Variants in MINAR1 observed in about 807,000 individuals in gnomAD.
MINAR1 encodes membrane integral NOTCH2 associated receptor 1, also known as major intrinsically disordered Notch2-binding receptor 1.
A neutral mutation model predicts 65.1 loss-of-function variants in MINAR1; 40 were observed. The ratio of observed to expected loss-of-function variants is 0.61; its 90% confidence interval spans 0.48 to 0.80. MINAR1 has a LOEUF of 0.80. Ranked by LOEUF, MINAR1 falls within the 30% of genes least tolerant of loss-of-function variation. The pLI is 0.00. For missense variants in MINAR1, 1,128 were observed against 1,148.0 expected, an observed-to-expected ratio of 0.98 and a Z score of 0.25; for synonymous variants, 482 against 449.1, an observed-to-expected ratio of 1.07 and a Z score of -0.93.
In MINAR1 at chr15:79,458,181, C is replaced by A. The variant is rs750458330; in HGVS notation, c.2034C>A (p.Asn678Lys). ...SGSHGPKLENNPDWCCSDASG... is the reference protein window; with the variant it reads ...SGSHGPKLENKPDWCCSDASG... ...CCCACGGACCCAAACTAGAGAACAACCCTGACTGGTGCTGCTCTGATGCTA... is the reference window on the plus strand; with the variant it reads ...CCCACGGACCCAAACTAGAGAACAAACCTGACTGGTGCTGCTCTGATGCTA... The change falls in exon 2 of 4, where the codon AAC becomes AAA. Residue 678 changes from asparagine to lysine, a missense_variant. Physicochemically the swap from Asn to Lys is moderately conservative, Grantham distance 94. Coordinates refer to ENST00000305428, the MANE Select transcript of MINAR1 (RefSeq NM_015206.3). The A allele has an allele frequency of 1.9e-6, 3 of 1,614,058 alleles. No individual in the cohort carries two copies. The highest frequency in any genetic ancestry group is 2.2e-5 in the South Asian group (2 of 91,070).
chr15:79,458,376 C>T lies in MINAR1; in HGVS notation c.2229C>T (p.Gly743=), dbSNP rs779616062. ...WRTITYTNRV[G]LNEEEIKDTG... ...CCATCACTTATACCAACCGTGTGGG[C>T]CTCAATGAGGAGGAGATAAAAGACA... Residue 743 remains glycine (G), a synonymous_variant, in exon 2 of 4, where the codon GGC becomes GGT. Transcript: ENST00000305428. The T allele has an allele frequency of 5.0e-6, 8 of 1,614,022 alleles. No homozygotes were observed. In the Admixed American group the frequency reaches 1.2e-4, roughly 24 times the overall value.
rs901598201 is a variant in MINAR1 at position 79,444,578 on chromosome 15, C to T, written c.-50-11520C>T. ...TTTGTATTTATTACTATAAACTTTC[C>T]TCTAATGATAGCTTTAACTATAGTT... On this transcript the variant is annotated intron_variant, in intron 1 of 3. Coordinates refer to ENST00000305428, the MANE Select transcript of MINAR1 (RefSeq NM_015206.3). 3.3e-5 allele frequency among the ~76,000 whole-genome samples: 5 copies of T among 151,882 alleles called. No homozygotes were observed. The South Asian group carries it at 8.3e-4, about 25-fold the overall frequency.
Position 79,456,852 on chromosome 15 carries a change from G to A in MINAR1, c.705G>A (p.Gln235=). The change falls in exon 2 of 4, where the codon CAG becomes CAA. Residue 235 remains glutamine, a synonymous_variant. Transcript: ENST00000305428. ...ACCAGGACTCCCTGCCCATCAATCA[G>A]AGCATCAAGGAGACCTTCATTTCCA... ...ISDQDSLPIN[Q]SIKETFISNE... is the part of the protein sequence containing the mutation. 1 of 1,614,164 alleles carries A rather than the reference G, an allele frequency of 6.2e-7. No homozygotes were observed. Among genetic ancestry groups the A allele is most frequent in the Non-Finnish European group, 8.5e-7 (1 of 1,180,040 alleles).
In MINAR1 at chr15:79,472,132, C is replaced by G. The variant is rs1185677335; in HGVS notation, c.*3748C>G. 6.6e-6 allele frequency: 1 copy of G among 152,364 alleles called. No homozygotes were observed. Among genetic ancestry groups the G allele is most frequent in the East Asian group, 1.9e-4 (1 of 5,188 alleles). The allele number at this position is 152,364 out of a possible 1,614,324, so 9.4% of individuals were successfully genotyped here. A position where few individuals can be genotyped will look rare whatever the true frequency, so the allele number is the denominator to read the frequency against. On this transcript the variant is annotated 3_prime_UTR_variant, in exon 4 of 4. Coordinates refer to ENST00000305428, the MANE Select transcript of MINAR1 (RefSeq NM_015206.3). ...TGTTCTGTACAGCTCTCAGCACACT[C>G]TTGGTGCTTGATAAATGTTATGTTA...
chr15:79,454,010 A>G (rs7166224), intron 1 of MINAR1, among the ~76,000 whole-genome samples: 40,572 of 152,068 alleles, frequency 0.27, 6,335 homozygotes, highest in East Asian at 0.55. Context: ...TGTTCCCAAA[A>G]TTACATTCAC....
chr15:79,471,488 A>C lies in MINAR1; in HGVS notation c.*3104A>C, dbSNP rs1347659167. On this transcript the variant is annotated 3_prime_UTR_variant, in exon 4 of 4. Transcript: ENST00000305428. The stretch of plus-strand genomic sequence containing the variant: ...AGTATCCCCTTCATTACAGTAAACT[A>C]AATCATAACTTACATCATCCATTAC... 2.0e-5 allele frequency: 3 copies of C among 152,636 alleles called. No individual in the cohort carries two copies. The highest frequency in any genetic ancestry group is 7.2e-5 in the African/African-American group (3 of 41,446). The allele number at this position is 152,636 out of a possible 1,614,324, so 9.5% of individuals were successfully genotyped here. A position where few individuals can be genotyped will look rare whatever the true frequency, so the allele number is the denominator to read the frequency against.
intron 3 of MINAR1, among the ~76,000 whole-genome samples, chr15:79,464,795 C>T (rs981684022): frequency 6.6e-6 from 1 of 152,204 alleles, no homozygotes; most frequent in Non-Finnish European, 1.5e-5. Context: ...ACTTGGACTG[C>T]ATACCCCTTG....
chr15:79,429,095 TAGAG>T (rs545097876), upstream of MINAR1, among the ~76,000 whole-genome samples: 476 of 152,254 alleles, frequency 3.1e-3, 2 homozygotes, highest in African/African-American at 0.011. Context: ...AAGAAGGGCT[TAGAG>T]AGAGAGGAGG....
the MINAR1 span, chr15:79,411,795 A>G: frequency 2.9e-6 from 1 of 349,584 alleles, no homozygotes; most frequent in Admixed American, 3.7e-5. Flanking sequence ...TGGAGCCCAG[A>G]GGGTTTGGTG....
intron 2 of MINAR1, among the ~76,000 whole-genome samples, chr15:79,460,802 A>T (rs958215143): frequency 6.6e-6 from 1 of 152,178 alleles, no homozygotes; most frequent in African/African-American, 2.4e-5. Context: ...AGGCTCTGTT[A>T]TACCTTGACT....
At position 79,456,969 on chromosome 15, in the gene MINAR1, G is replaced by T; in HGVS notation, c.822G>T (p.Leu274Phe). 2 of 1,614,092 alleles carry T rather than the reference G, an allele frequency of 1.2e-6. No individual in the cohort carries two copies. The highest frequency in any genetic ancestry group is 8.5e-7 in the Non-Finnish European group (1 of 1,180,016). ...FHNLMAVSPS[L>F]VGPISKAENE... is the part of the protein sequence containing the mutation. ...ATTTGATGGCAGTGTCCCCCAGTTT[G>T]GTTGGCCCCATCAGCAAAGCAGAGA... is the stretch of plus-strand genomic sequence containing the variant. The change falls in exon 2 of 4, where the codon TTG becomes TTT. Residue 274 changes from leucine to phenylalanine, a missense_variant. Transcript: ENST00000305428.
intron 3 of MINAR1, chr15:79,463,808 G>A (rs1895741046): frequency 2.2e-6 from 1 of 451,568 alleles, no homozygotes; most frequent in African/African-American, 2.0e-5. Flanking sequence ...TGGCTGGAGG[G>A]CATGTTTTTT....
chr15:79,424,398 C>T, the MINAR1 span: 1 of 152,176 alleles, frequency 6.6e-6, no homozygotes, highest in Non-Finnish European at 1.5e-5. Context: ...TTTTGAAGTT[C>T]AGTCTAGTGG....
chr15:79,451,988 G>C (rs1430623178), intron 1 of MINAR1, among the ~76,000 whole-genome samples: 1 of 152,140 alleles, frequency 6.6e-6, no homozygotes, highest in Non-Finnish European at 1.5e-5. Context: ...AGACACCTAG[G>C]AGAGAAAGAG....
At chr15:79,437,486 G>A (rs1233177725) in intron 1 of MINAR1, among the ~76,000 whole-genome samples, 1 of 149,480 alleles carries the variant, frequency 6.7e-6, no homozygotes, top group East Asian at 2.0e-4. Flanking sequence ...GTAGTGAGTA[G>A]GTGTGAGTGG....
chr15:79,462,714 A>C (rs1895691819), intron 2 of MINAR1, among the ~76,000 whole-genome samples: 1 of 152,214 alleles, frequency 6.6e-6, no homozygotes, highest in African/African-American at 2.4e-5. Flanking sequence ...ATCAGGTTTA[A>C]ATCCTAGCTC....
At position 79,456,363 on chromosome 15, in the gene MINAR1, T is replaced by C. The variant is rs749405396; in HGVS notation, c.216T>C (p.Thr72=). The C allele has an allele frequency of 4.3e-6, 7 of 1,614,226 alleles. No homozygotes were observed. Among genetic ancestry groups the C allele is most frequent in the Non-Finnish European group, 5.9e-6 (7 of 1,180,042 alleles). The change falls in exon 2 of 4, where the codon ACT becomes ACC. Residue 72 remains threonine, a synonymous_variant. Transcript: ENST00000305428. ...ATLFKDKMKC[T]VNNQQSKKIM... ...TATTCAAAGACAAGATGAAATGCAC[T>C]GTGAATAACCAGCAATCAAAGAAAA...
At chr15:79,437,683 CGTGGGTAGTGAGTGTGTGGGGT>C (rs1894650797) in intron 1 of MINAR1, among the ~76,000 whole-genome samples, 1 of 36,300 alleles carries the variant, frequency 2.8e-5, no homozygotes, top group African/African-American at 1.3e-4. Flanking sequence ...GTGTGGGTGG[CGTGGGTAGTGAGTGTGTGGGGT>C]GTGGGTGTGG....
the MINAR1 span, chr15:79,425,457 G>A: frequency 6.6e-6 from 1 of 152,184 alleles, no homozygotes; most frequent in Non-Finnish European, 1.5e-5. Flanking sequence ...CCCTGTACCA[G>A]GACAGCATGT....
Sources: allele counts gnomAD v4.1 joint callset (sites outside exome capture counted in the v4.1 genomes callset), GRCh38; gene constraint gnomAD v4.1.1; transcripts MANE v1.5; gene names NCBI Gene and HGNC (gene_info 2026-07-23, HGNC 2026-07-21).